The following PCDH15 variants were observed in gnomAD, a reference collection of about 807,000 sequenced individuals.
PCDH15 encodes protocadherin-15.
PCDH15 carries 129 observed loss-of-function variants against 178.5 expected under a neutral mutation model. That is an observed-to-expected ratio of 0.72 (90% CI 0.63 to 0.84). PCDH15 has a LOEUF of 0.84. Ranked by LOEUF, PCDH15 falls within the 40% of genes least tolerant of loss-of-function variation. The pLI is 0.00. For missense variants in PCDH15, 2,230 were observed against 2,099.9 expected, an observed-to-expected ratio of 1.06 and a Z score of -1.21; for synonymous variants, 800 against 732.0, an observed-to-expected ratio of 1.09 and a Z score of -1.50.
intron 3 of PCDH15, among the ~76,000 whole-genome samples, chr10:54,418,232 T>C (rs2135759297): frequency 6.6e-6 from 1 of 152,332 alleles, no homozygotes; most frequent in African/African-American, 2.4e-5. Context: ...TGTTTCATCC[T>C]TTGTACTAAA....
At chr10:53,946,228 C>A (rs1000761314) in intron 23 of PCDH15, among the ~76,000 whole-genome samples, 4 of 152,110 alleles carry the variant, frequency 2.6e-5, no homozygotes, top group Admixed American at 2.6e-4. Flanking sequence ...AATACTGCAG[C>A]CCAGAATGCA....
chr10:54,299,411 C>T (rs2060015420), intron 8 of PCDH15, among the ~76,000 whole-genome samples: 1 of 152,080 alleles, frequency 6.6e-6, no homozygotes, highest in African/African-American at 2.4e-5. Context: ...AAACAGTGTA[C>T]CCTATTCCTT....
At chr10:54,428,194 T>C (rs1956526987) in intron 3 of PCDH15, among the ~76,000 whole-genome samples, 1 of 152,132 alleles carries the variant, frequency 6.6e-6, no homozygotes, top group Non-Finnish European at 1.5e-5. Context: ...CAAACTAAAA[T>C]GAACTAACCT....
intron 2 of PCDH15, among the ~76,000 whole-genome samples, chr10:55,401,413 T>C (rs2132024956): frequency 6.6e-6 from 1 of 152,142 alleles, no homozygotes; most frequent in South Asian, 2.1e-4. Context: ...GCCATAGAAA[T>C]GATAAAGAAG....
At chr10:54,886,224 T>G (rs1184534012) in intron 3 of PCDH15, among the ~76,000 whole-genome samples, 6 of 149,190 alleles carry the variant, frequency 4.0e-5, no homozygotes, top group Non-Finnish European at 7.4e-5. Flanking sequence ...AGGAAAATAT[T>G]TAATCCTCTA....
intron 2 of PCDH15, among the ~76,000 whole-genome samples, chr10:55,056,124 A>G (rs572609434): frequency 3.9e-5 from 6 of 152,294 alleles, no homozygotes; most frequent in Admixed American, 3.3e-4. Context: ...GGGTCAAAGC[A>G]TTCACTTAGC....
chr10:53,865,893 T>C (rs1311633676), intron 27 of PCDH15, among the ~76,000 whole-genome samples: 1 of 152,190 alleles, frequency 6.6e-6, no homozygotes. Context: ...ATATTTCTAA[T>C]GAATATACTT....
intron 27 of PCDH15, among the ~76,000 whole-genome samples, chr10:53,860,044 A>G (rs1312010980): frequency 6.6e-6 from 1 of 152,158 alleles, no homozygotes; most frequent in African/African-American, 2.4e-5. Flanking sequence ...AGGAATTTCT[A>G]GTGGATATTC....
chr10:53,909,033 C>T (rs189089448), intron 25 of PCDH15, among the ~76,000 whole-genome samples: 336 of 152,260 alleles, frequency 2.2e-3, no homozygotes, highest in Non-Finnish European at 4.1e-3. Flanking sequence ...TATGGTTTGG[C>T]TCTGTGTCCC....
At chr10:54,944,328 G>T (rs1009422882) in intron 2 of PCDH15, among the ~76,000 whole-genome samples, 1 of 151,888 alleles carries the variant, frequency 6.6e-6, no homozygotes, top group Non-Finnish European at 1.5e-5. Flanking sequence ...GATGCAAAAG[G>T]TTTCTGTGAA....
chr10:55,008,305 A>G (rs904494355), intron 2 of PCDH15, among the ~76,000 whole-genome samples: 6 of 152,128 alleles, frequency 3.9e-5, no homozygotes, highest in Non-Finnish European at 8.8e-5. Flanking sequence ...CTATGGGCAC[A>G]TGTCAGTAAT....
At chr10:54,486,640 T>C (rs952736890) in intron 3 of PCDH15, among the ~76,000 whole-genome samples, 1 of 151,980 alleles carries the variant, frequency 6.6e-6, no homozygotes, top group African/African-American at 2.4e-5. Flanking sequence ...CACTGATTTT[T>C]TTTCCTTTCT....
intron 2 of PCDH15, among the ~76,000 whole-genome samples, chr10:55,119,227 A>C (rs952608845): frequency 6.6e-6 from 1 of 152,152 alleles, no homozygotes; most frequent in African/African-American, 2.4e-5. Context: ...GTCCCTTCTC[A>C]GTATACGACC....
intron 2 of PCDH15, among the ~76,000 whole-genome samples, chr10:55,350,252 TATATATATATATATATACACACAC>T (rs1340090448): frequency 3.1e-5 from 2 of 65,138 alleles, no homozygotes; most frequent in African/African-American, 1.5e-4. Flanking sequence ...TATATATATA[TATATATATATATATATACACACAC>T]ACACACACAC....
chr10:54,543,750 T>A (rs906735267), intron 2 of PCDH15, among the ~76,000 whole-genome samples: 21 of 152,158 alleles, frequency 1.4e-4, no homozygotes, highest in Admixed American at 6.5e-5. Flanking sequence ...AGTCTGGCTG[T>A]TGAAACTGCC....
chr10:53,989,914 A>G (rs1034772564), intron 21 of PCDH15, among the ~76,000 whole-genome samples: 1 of 152,288 alleles, frequency 6.6e-6, no homozygotes, highest in African/African-American at 2.4e-5. Flanking sequence ...GAAAAATACA[A>G]TTTTATAACA....
chr10:54,626,346 C>A (rs1321220682), intron 2 of PCDH15, among the ~76,000 whole-genome samples: 2 of 152,140 alleles, frequency 1.3e-5, no homozygotes, highest in Non-Finnish European at 2.9e-5. Flanking sequence ...TCACAGCAGG[C>A]CCTTATACCA....
chr10:54,164,606 T>C (rs1037411372), intron 13 of PCDH15, among the ~76,000 whole-genome samples: 2 of 152,236 alleles, frequency 1.3e-5, no homozygotes, highest in African/African-American at 4.8e-5. Context: ...TGAATCTATC[T>C]ATGGTTGTTA....
At chr10:55,619,261 A>T (rs1843540067) in intron 2 of PCDH15, among the ~76,000 whole-genome samples, 1 of 151,820 alleles carries the variant, frequency 6.6e-6, no homozygotes. Flanking sequence ...AGAAACACCA[A>T]TTAAGGCTTT....
Sources: allele counts gnomAD v4.1 joint callset (sites outside exome capture counted in the v4.1 genomes callset), GRCh38; gene constraint gnomAD v4.1.1; transcripts MANE v1.5; gene names NCBI Gene and HGNC (gene_info 2026-07-23, HGNC 2026-07-21).